NBDY: variants seen among roughly 807,000 people sequenced by gnomAD.
The protein encoded by NBDY is negative regulator of P-body association, also known as P-body dissociating protein.
intron 2 of NBDY, among the ~76,000 whole-genome samples, chrX:56,810,004 G>A (rs1328283696): frequency 9.0e-6 from 1 of 111,406 alleles, no homozygotes; most frequent in Non-Finnish European, 1.9e-5. Context: ...TTTCTCCTTT[G>A]CCTATGAAAC....
intron 2 of NBDY, among the ~76,000 whole-genome samples, chrX:56,745,306 C>T (rs1255348163): frequency 5.4e-5 from 6 of 111,011 alleles, no homozygotes; most frequent in Non-Finnish European, 5.7e-5. Flanking sequence ...TTTCAGACTG[C>T]AGTTAATCAT....
At chrX:56,814,895 T>C (rs2069904143) in intron 2 of NBDY, among the ~76,000 whole-genome samples, 1 of 111,035 alleles carries the variant, frequency 9.0e-6, no homozygotes, top group African/African-American at 3.3e-5. Context: ...AGAAATGTCA[T>C]ATTTTATGTG....
chrX:56,818,674 A>T lies in NBDY; in HGVS notation c.*1521A>T, dbSNP rs2069921406. ...AAATTAAGGTTGCCTACTTTGAAGA[A>T]ATTTATAACCTGATTCTAAAGTTCA... On this transcript the variant is annotated 3_prime_UTR_variant, in exon 3 of 3. Transcript: ENST00000374922. 1 of 112,086 alleles carries T rather than the reference A, an allele frequency of 8.9e-6. No individual in the cohort carries two copies. The highest frequency in any genetic ancestry group is 3.7e-4 in the South Asian group (1 of 2,720). The allele number at this position is 112,086 out of a possible 1,213,427, so 9.2% of individuals were successfully genotyped here. A position where few individuals can be genotyped will look rare whatever the true frequency, so the allele number is the denominator to read the frequency against.
intron 2 of NBDY, among the ~76,000 whole-genome samples, chrX:56,747,478 C>T (rs1303722133): frequency 9.0e-6 from 1 of 111,236 alleles, no homozygotes; most frequent in African/African-American, 3.3e-5. Flanking sequence ...TTACAGAACT[C>T]GAGGTAGGCT....
At chrX:56,730,093 A>AT (rs1322178315) in intron 1 of NBDY, among the ~76,000 whole-genome samples, 36 of 106,394 alleles carry the variant, frequency 3.4e-4, no homozygotes, top group South Asian at 8.3e-4. Context: ...GGAGAGTTGA[A>AT]TTTTTTTTTT....
At position 56,817,880 on chromosome X, in the gene NBDY, T is replaced by A. The variant is rs1390925265; in HGVS notation, c.*727T>A. ...TAGTATTTTACATCTTAACTATTTT[T>A]TTCTGACTGAAATGGTTGATGTGCT... is the stretch of plus-strand genomic sequence containing the variant. On this transcript the variant is annotated 3_prime_UTR_variant, in exon 3 of 3. Coordinates refer to ENST00000374922, the MANE Select transcript of NBDY (RefSeq NM_001348129.2). 1 of 111,881 alleles carries A rather than the reference T, an allele frequency of 8.9e-6. No homozygotes were observed. The highest frequency in any genetic ancestry group is 3.2e-5 in the African/African-American group (1 of 30,838). The allele number at this position is 111,881 out of a possible 1,213,427, so 9.2% of individuals were successfully genotyped here.
intron 2 of NBDY, among the ~76,000 whole-genome samples, chrX:56,767,194 T>A (rs774539430): frequency 3.6e-4 from 41 of 113,599 alleles, no homozygotes; most frequent in Non-Finnish European, 6.4e-4. Context: ...TTTTACTTTC[T>A]ACACCAGCGA....
rs866987625 is a variant in NBDY at position 56,735,071 on chromosome X, G to A, written c.*166+2872G>A. 9.8e-5 allele frequency among the ~76,000 whole-genome samples: 11 copies of A among 112,088 alleles called. No homozygotes were observed. In the South Asian group the frequency reaches 1.1e-3, roughly 11 times the overall value. ...TACCATTCTGTCTACAGGACAACAA[G>A]CCTGTGTGTTTCAGGTACTTTCATG... On this transcript the variant is annotated intron_variant, in intron 2 of 2. Transcript: ENST00000374922.
intron 2 of NBDY, among the ~76,000 whole-genome samples, chrX:56,796,985 C>A (rs1383818696): frequency 9.0e-6 from 1 of 111,569 alleles, no homozygotes; most frequent in Non-Finnish European, 1.9e-5. Context: ...CCTCCCACTT[C>A]CTATTCTTTT....
At position 56,784,626 on chromosome X, in the gene NBDY, G is replaced by A. The variant is rs984648289; in HGVS notation, c.*167-32694G>A. On this transcript the variant is annotated intron_variant, in intron 2 of 2. Transcript: ENST00000374922. ...CTGGGCCTGTCTTTGTTCCTGTTCT[G>A]CGTGTGGAAGTAGAGGTGGATCCTG... Among the ~76,000 whole-genome samples, 3 of 111,614 alleles carry A rather than the reference G, an allele frequency of 2.7e-5. No individual in the cohort carries two copies. In the South Asian group the frequency reaches 1.2e-3, roughly 43 times the overall value.
intron 2 of NBDY, among the ~76,000 whole-genome samples, chrX:56,807,390 A>G (rs972815888): frequency 1.3e-4 from 15 of 111,635 alleles, no homozygotes; most frequent in Non-Finnish European, 2.8e-4. Context: ...CATTGAATCT[A>G]TAAATTACCC....
chrX:56,755,647 G>T (rs1172954642), intron 2 of NBDY, among the ~76,000 whole-genome samples: 1 of 111,317 alleles, frequency 9.0e-6, no homozygotes, highest in African/African-American at 3.3e-5. Context: ...AACAACAGGT[G>T]CTGGAGAGGA....
chrX:56,762,445 C>T (rs1241270323), intron 2 of NBDY, among the ~76,000 whole-genome samples: 6 of 110,895 alleles, frequency 5.4e-5, no homozygotes, highest in African/African-American at 1.6e-4. Context: ...TGTCCCTCTG[C>T]GTGCTAGGCA....
intron 2 of NBDY, among the ~76,000 whole-genome samples, chrX:56,761,457 T>C (rs1309920841): frequency 1.8e-5 from 2 of 113,417 alleles, no homozygotes; most frequent in Non-Finnish European, 3.7e-5. Flanking sequence ...AGTGCAGACC[T>C]GGGCATAAGG....
At chrX:56,812,629 C>T (rs2069892862) in intron 2 of NBDY, among the ~76,000 whole-genome samples, 1 of 110,935 alleles carries the variant, frequency 9.0e-6, no homozygotes, top group Non-Finnish European at 1.9e-5. Flanking sequence ...AGAAAGGACC[C>T]CATCAATGAG....
At chrX:56,804,714 T>C (rs2069841032) in intron 2 of NBDY, among the ~76,000 whole-genome samples, 1 of 111,813 alleles carries the variant, frequency 8.9e-6, no homozygotes, top group African/African-American at 3.3e-5. Flanking sequence ...GCTTGTCAGA[T>C]TATTCAGCCT....
At chrX:56,740,423 T>C (rs1452697724) in intron 2 of NBDY, among the ~76,000 whole-genome samples, 2 of 111,912 alleles carry the variant, frequency 1.8e-5, no homozygotes, top group East Asian at 5.6e-4. Context: ...TATGTGTGCC[T>C]GGAAAGATTG....
chrX:56,785,441 C>G (rs2069722015), intron 2 of NBDY, among the ~76,000 whole-genome samples: 1 of 111,077 alleles, frequency 9.0e-6, no homozygotes, highest in Non-Finnish European at 1.9e-5. Flanking sequence ...ACACGTATCC[C>G]CACGCACACT....
At chrX:56,794,994 G>A (rs1187386860) in intron 2 of NBDY, among the ~76,000 whole-genome samples, 1 of 111,977 alleles carries the variant, frequency 8.9e-6, no homozygotes, top group East Asian at 2.8e-4. Context: ...AGAAGTGGGA[G>A]GGGTATTTCT....
Sources: gnomAD v4.1 joint callset for allele counts (sites outside exome capture counted in the v4.1 genomes callset) on GRCh38, gnomAD v4.1.1 for gene constraint, MANE v1.5 for transcripts, NCBI Gene and HGNC (gene_info 2026-07-23, HGNC 2026-07-21) for gene names.